The following BTNL9 variants were observed in gnomAD, a reference collection of about 807,000 sequenced individuals.
BTNL9 encodes butyrophilin like 9, also known as butyrophilin-like protein 9.
Under a neutral mutation model 45.8 loss-of-function variants are expected in BTNL9, and 45 were observed. The observed-to-expected ratio is 0.98, with a 90% CI of 0.77 to 1.26. The LOEUF is 1.26. Ranked by LOEUF, BTNL9 falls within the 50% of genes most tolerant of loss-of-function variation. The pLI, the probability that BTNL9 is intolerant of heterozygous loss-of-function variation, is 0.00. For synonymous variants in BTNL9, 346 were observed against 330.8 expected, an observed-to-expected ratio of 1.05 and a Z score of -0.50; for missense variants, 784 against 729.7, an observed-to-expected ratio of 1.07 and a Z score of -0.86.
intron 3 of BTNL9, 131 bp from the exon 4 acceptor site, chr5:181,049,957 C>T (rs1422672232): frequency 3.3e-6 from 4 of 1,209,448 alleles, no homozygotes; most frequent in Non-Finnish European, 4.6e-6. Context: ...GCGCCAAGCC[C>T]ACACACGTCT....
At chr5:181,054,352 C>G (rs942402731) in intron 7 of BTNL9, 93 bp downstream of exon 7, 3 of 1,578,012 alleles carry the variant, frequency 1.9e-6, no homozygotes, top group African/African-American at 2.8e-5. Context: ...CAGCGGCTGG[C>G]AACTATCTAA....
At chr5:181,058,571 C>A (rs898876838) in intron 10 of BTNL9, among the ~76,000 whole-genome samples, 193 bp downstream of exon 10, 1 of 152,128 alleles carries the variant, frequency 6.6e-6, no homozygotes, top group African/African-American at 2.4e-5. Flanking sequence ...CACACACATG[C>A]ACACGTGAGC....
Position 181,059,899 on chromosome 5 carries a change from C to T in BTNL9, c.*37C>T. ...GGCCGCGGGACTGGCCCCGGGGGGC[C>T]CCCTGGATCCCAGGCCAGCGCTTTG... is the stretch of plus-strand genomic sequence containing the variant. On this transcript the variant is annotated 3_prime_UTR_variant, in exon 11 of 11. Coordinates refer to ENST00000327705, the MANE Select transcript of BTNL9 (RefSeq NM_152547.5). 1.4e-6 allele frequency: 2 copies of T among 1,475,294 alleles called. No individual in the cohort carries two copies. The highest frequency in any genetic ancestry group is 1.8e-6 in the Non-Finnish European group (2 of 1,111,162). 91.4% of individuals were successfully genotyped at this position (1,475,294 alleles called of 1,614,324 possible).
intron 7 of BTNL9, chr5:181,054,648 G>T (rs1254609624): frequency 8.1e-6 from 8 of 985,226 alleles, no homozygotes; most frequent in African/African-American, 3.5e-5. Context: ...TCCCCAGAGG[G>T]ACTCAGAGAC....
intron 2 of BTNL9, chr5:181,047,487 A>C: frequency 2.0e-6 from 2 of 991,756 alleles, no homozygotes; most frequent in Non-Finnish European, 2.4e-6. Flanking sequence ...AGAAATTATC[A>C]CCATCAGCAA....
At position 181,059,342 on chromosome 5, in the gene BTNL9, A is replaced by G; in HGVS notation, c.1088A>G (p.His363Arg). ...RGAPPGPAPGHPQRFSEQTCA... is the reference protein window; with the variant it reads ...RGAPPGPAPGRPQRFSEQTCA... ...GCGCCGCCAGGCCCGGCGCCTGGCC[A>G]CCCGCAGCGGTTCTCGGAGCAGACG... Residue 363 changes from histidine to arginine, a missense_variant, in exon 11 of 11, where the codon CAC (histidine) becomes CGC (arginine). His to Arg is a conservative substitution (Grantham distance 29). Transcript: ENST00000327705. The G allele has an allele frequency of 6.5e-7, 1 of 1,542,230 alleles. No individual in the cohort carries two copies. The highest frequency in any genetic ancestry group is 8.7e-7 in the Non-Finnish European group (1 of 1,147,182).
Position 181,053,270 on chromosome 5 carries a change from C to T in BTNL9, c.807C>T (p.Leu269=), listed in dbSNP as rs773979162. 1 of 1,586,758 alleles carries T rather than the reference C, an allele frequency of 6.3e-7. No homozygotes were observed. Among genetic ancestry groups the T allele is most frequent in the Non-Finnish European group, 8.6e-7 (1 of 1,167,960 alleles). Residue 269 remains leucine (L), a synonymous_variant, in exon 5 of 11, where the codon CTC becomes CTT. Coordinates refer to ENST00000327705, the MANE Select transcript of BTNL9 (RefSeq NM_152547.5). The surrounding 1 kb of genome is among the most constrained non-coding windows in gnomAD (Gnocchi z 6.5). ...FVATLPLLLV[L]AALALGVLRK... ...CGACCCTGCCGCTGCTGTTGGTCCT[C>T]GCGGCGCTGGCGCTGGGCGTCCTCC...
At chr5:181,043,122 A>G (rs1261460816) in intron 1 of BTNL9, among the ~76,000 whole-genome samples, 1 of 152,156 alleles carries the variant, frequency 6.6e-6, no homozygotes, top group African/African-American at 2.4e-5. Flanking sequence ...ATACTGAGGT[A>G]TAGATAAGTG....
At position 181,059,274 on chromosome 5, in the gene BTNL9, C is replaced by A. The variant is rs1357841088; in HGVS notation, c.1020C>A (p.Ser340Arg). The change falls in exon 11 of 11, where the codon AGC (serine) becomes AGA (arginine). Residue 340 changes from serine (S) to arginine (R), a missense_variant. Physicochemically the swap from Ser to Arg is moderately radical, Grantham distance 110. Coordinates refer to ENST00000327705, the MANE Select transcript of BTNL9 (RefSeq NM_152547.5). The part of the protein sequence containing the change: ...VTLDPASAHP[S>R]LEVSEDGKSV... ...TGGACCCGGCCTCGGCGCACCCCAG[C>A]CTGGAGGTGTCGGAGGATGGCAAGA... 7 of 1,572,484 alleles carry A rather than the reference C, an allele frequency of 4.5e-6. No individual in the cohort carries two copies. Among genetic ancestry groups the A allele is most frequent in the Non-Finnish European group, 6.0e-6 (7 of 1,167,854 alleles).
In BTNL9 at chr5:181,048,282, T is replaced by C; in HGVS notation, c.454+11T>C. Reference sequence around the variant, plus strand: ...AACTGGAGGTAGCAGGTGCGTGGACTGACCTAAGGCCCTGCAGAGGAGAGG... The same window carrying C: ...AACTGGAGGTAGCAGGTGCGTGGACCGACCTAAGGCCCTGCAGAGGAGAGG... On this transcript the variant is annotated intron_variant, in intron 3 of 10. Coordinates refer to ENST00000327705, the MANE Select transcript of BTNL9 (RefSeq NM_152547.5). 1 of 1,599,546 alleles carries C rather than the reference T, an allele frequency of 6.3e-7. No individual in the cohort carries two copies. Among genetic ancestry groups the C allele is most frequent in the South Asian group, 1.1e-5 (1 of 89,836 alleles).
At position 181,060,085 on chromosome 5, in the gene BTNL9, G is replaced by A. The variant is rs10434808; in HGVS notation, c.*223G>A. On this transcript the variant is annotated 3_prime_UTR_variant, in exon 11 of 11. Coordinates refer to ENST00000327705, the MANE Select transcript of BTNL9 (RefSeq NM_152547.5). ...TCGTTTGTGGATTGTGGGACTGAGCGAAGGAGTACAAATATATCCACGTCG... is the reference window on the plus strand; with the variant it reads ...TCGTTTGTGGATTGTGGGACTGAGCAAAGGAGTACAAATATATCCACGTCG... The A allele has an allele frequency of 0.47, 267,247 of 566,216 alleles. 64,063 individuals carry two copies. The highest frequency in any genetic ancestry group is 0.56 in the East Asian group (19,584 of 34,732). The allele number at this position is 566,216 out of a possible 1,614,324, so 35.1% of individuals were successfully genotyped here.
rs747261326 is a variant in BTNL9, at chr5:181,060,131, G to T, written c.*269G>T. On this transcript the variant is annotated 3_prime_UTR_variant, in exon 11 of 11. Transcript: ENST00000327705. The stretch of plus-strand genomic sequence containing the variant: ...CGTCGCTCAGAGCTGGGGTGCTCAC[G>T]GTGGGCGGTGGGCAAGAAGCCAGCA... 2.3e-6 allele frequency: 1 copy of T among 437,706 alleles called. No individual in the cohort carries two copies. Among genetic ancestry groups the T allele is most frequent in the Non-Finnish European group, 4.0e-6 (1 of 249,858 alleles). 27.1% of individuals were successfully genotyped at this position (437,706 alleles called of 1,614,324 possible). A position where few individuals can be genotyped will look rare whatever the true frequency, so the allele number is the denominator to read the frequency against.
chr5:181,049,517 T>C (rs920871751), intron 3 of BTNL9, among the ~76,000 whole-genome samples: 1 of 152,126 alleles, frequency 6.6e-6, no homozygotes, highest in African/African-American at 2.4e-5. Flanking sequence ...AAAGGGAACA[T>C]AGGAAGGATA....
In BTNL9 at chr5:181,050,351, T is replaced by G; in HGVS notation, c.718T>G (p.Leu240Val). 5 of 1,613,866 alleles carry G rather than the reference T, an allele frequency of 3.1e-6. No homozygotes were observed. Among genetic ancestry groups the G allele is most frequent in the Non-Finnish European group, 4.2e-6 (5 of 1,179,996 alleles). ...TCTCCTCTTGAGCCAGAAGAAAGAG[T>G]TGGTGGTCCAGATAGCAGGTCAGTG... is the stretch of plus-strand genomic sequence containing the variant. ...QNLLLSQKKELVVQIADVFVP... is the reference protein window; with the variant it reads ...QNLLLSQKKEVVVQIADVFVP... Residue 240 changes from leucine to valine, a missense_variant, in exon 4 of 11, where the codon TTG becomes GTG. Physicochemically the swap from Leu to Val is conservative, Grantham distance 32. Coordinates refer to ENST00000327705, the MANE Select transcript of BTNL9 (RefSeq NM_152547.5). This position sits in a 1 kb window ranked among gnomAD's most constrained non-coding sequence, Gnocchi z 4.9.
rs776473700 is a variant in BTNL9, at chr5:181,059,892, G to GA, written c.*30_*31insA. On this transcript the variant is annotated 3_prime_UTR_variant, in exon 11 of 11. Coordinates refer to ENST00000327705, the MANE Select transcript of BTNL9 (RefSeq NM_152547.5). ...CCCTCGTGGCCGCGGGACTGGCCCC[G>GA]GGGGGCCCCCTGGATCCCAGGCCAG... The GA allele has an allele frequency of 1.5e-6, 2 of 1,363,016 alleles. No homozygotes were observed. The highest frequency in any genetic ancestry group is 1.9e-6 in the Non-Finnish European group (2 of 1,064,282). 84.4% of individuals were successfully genotyped at this position (1,363,016 alleles called of 1,614,324 possible). A position where few individuals can be genotyped will look rare whatever the true frequency, so the allele number is the denominator to read the frequency against.
rs926032903 is a variant in BTNL9, at chr5:181,055,726, G to A, written c.929-263G>A. On this transcript the variant is annotated intron_variant, in intron 8 of 10. Transcript: ENST00000327705. The surrounding 1 kb of genome is among the most constrained non-coding windows in gnomAD (Gnocchi z 4.4). Reference sequence around the variant, plus strand: ...GGAGCTTGCAGTGAGCCGAGATGGCGCCACTGCACTCCAGCCTGGGCGACA... The same window carrying A: ...GGAGCTTGCAGTGAGCCGAGATGGCACCACTGCACTCCAGCCTGGGCGACA... The A allele has an allele frequency of 2.9e-4, 201 of 694,368 alleles. No individual in the cohort carries two copies. Among genetic ancestry groups the A allele is most frequent in the Non-Finnish European group, 4.5e-4 (172 of 382,926 alleles). 43.0% of individuals were successfully genotyped at this position (694,368 alleles called of 1,614,324 possible).
At chr5:181,048,947 T>C (rs139397927) in intron 3 of BTNL9, among the ~76,000 whole-genome samples, 1 of 144,214 alleles carries the variant, frequency 6.9e-6, no homozygotes, top group East Asian at 2.0e-4. Flanking sequence ...ATATATATAA[T>C]ATATAATATA....
intron 1 of BTNL9, among the ~76,000 whole-genome samples, chr5:181,044,311 G>A (rs58875646): frequency 0.037 from 5,622 of 152,224 alleles, 158 homozygotes; most frequent in African/African-American, 0.073. Flanking sequence ...ACAGGACACC[G>A]GAAACACCTG....
intron 3 of BTNL9, among the ~76,000 whole-genome samples, chr5:181,049,551 C>T (rs74596621): frequency 0.014 from 2,055 of 152,214 alleles, 50 homozygotes; most frequent in African/African-American, 0.046. Context: ...TGAGATTGGC[C>T]GCTGAGGGTG....
Sources: allele counts gnomAD v4.1 joint callset (sites outside exome capture counted in the v4.1 genomes callset), GRCh38; gene constraint gnomAD v4.1.1; non-coding constraint Gnocchi (gnomAD v3.1); transcripts MANE v1.5; gene names NCBI Gene and HGNC (gene_info 2026-07-23, HGNC 2026-07-21).